The following SMAD2 variants were observed in gnomAD, a reference collection of about 807,000 sequenced individuals.
SMAD2 encodes SMAD family member 2.
A neutral mutation model predicts 64.4 loss-of-function variants in SMAD2; 8 were observed. The observed-to-expected ratio is 0.12, with a 90% CI of 0.07 to 0.22. SMAD2 has a LOEUF of 0.22. Among genes scored for constraint, SMAD2 ranks in the 10% least tolerant of loss-of-function variants. The probability of loss-of-function intolerance (pLI) is 1.00; values close to 1 mark genes in which losing one functional copy is unlikely to be tolerated. For synonymous variants in SMAD2, 203 were observed against 195.8 expected (o/e 1.04, Z -0.31); for missense variants, 289 against 561.2 (o/e 0.51, Z 4.90).
rs543118430 is a variant in SMAD2, at chr18:47,910,708, T to C, written c.-53-13899A>G. On this transcript the variant is annotated intron_variant, in intron 1 of 10. Coordinates refer to ENST00000262160, the MANE Select transcript of SMAD2 (RefSeq NM_005901.6). ...TCCACTTAGTGAATAGTATATGTAT[T>C]TTCTCTTCCTTATGATTTTCTTAGT... 2.6e-5 allele frequency among the ~76,000 whole-genome samples: 4 copies of C among 152,324 alleles called. No homozygotes were observed. In the East Asian group the frequency reaches 7.7e-4, roughly 29 times the overall value.
rs1912262697 is a variant in SMAD2, at chr18:47,813,391, C to T, written c.*28436G>A. 1 of 147,868 alleles carries T rather than the reference C, an allele frequency of 6.8e-6. No homozygotes were observed. The highest frequency in any genetic ancestry group is 2.5e-5 in the African/African-American group (1 of 40,068). The allele number at this position is 147,868 out of a possible 1,614,324, so 9.2% of individuals were successfully genotyped here. On this transcript the variant is annotated 3_prime_UTR_variant, in exon 11 of 11. Transcript: ENST00000262160. Reference sequence around the variant, plus strand: ...TAGCTGGGACTACAGGTGCCTGCCACCATGCCCAGCTAATTTTTTTTTTTT... The same window carrying T: ...TAGCTGGGACTACAGGTGCCTGCCATCATGCCCAGCTAATTTTTTTTTTTT...
intron 2 of SMAD2, 64 bp downstream of exon 2, chr18:47,896,457 T>G: frequency 6.5e-7 from 1 of 1,537,164 alleles, no homozygotes. Flanking sequence ...GAACACAAAT[T>G]CAGTAACTTT....
Position 47,829,676 on chromosome 18 carries a change from A to G in SMAD2, c.*12151T>C, listed in dbSNP as rs1020331683. On this transcript the variant is annotated 3_prime_UTR_variant, in exon 11 of 11. Coordinates refer to ENST00000262160, the MANE Select transcript of SMAD2 (RefSeq NM_005901.6). Reference sequence around the variant, plus strand: ...CGGGAAGCAGTGCATAGGCAGTATGAAGTAGACACTTTGGCAAATAAAAAC... The same window carrying G: ...CGGGAAGCAGTGCATAGGCAGTATGGAGTAGACACTTTGGCAAATAAAAAC... The G allele has an allele frequency of 6.6e-6, 1 of 152,244 alleles. No homozygotes were observed. Among genetic ancestry groups the G allele is most frequent in the Non-Finnish European group, 1.5e-5 (1 of 68,050 alleles). 9.4% of individuals were successfully genotyped at this position (152,244 alleles called of 1,614,324 possible). A position where few individuals can be genotyped will look rare whatever the true frequency, so the allele number is the denominator to read the frequency against.
intron 2 of SMAD2, among the ~76,000 whole-genome samples, chr18:47,892,125 T>C (rs2033223836): frequency 6.6e-6 from 1 of 152,154 alleles, no homozygotes. Flanking sequence ...TTAAATATGA[T>C]TATGTGGTAT....
Position 47,837,426 on chromosome 18 carries a change from G to C in SMAD2, c.*4401C>G, listed in dbSNP as rs1913515436. 1 of 198,918 alleles carries C rather than the reference G, an allele frequency of 5.0e-6. No individual in the cohort carries two copies. Among genetic ancestry groups the C allele is most frequent in the East Asian group, 7.8e-5 (1 of 12,748 alleles). The allele number at this position is 198,918 out of a possible 1,614,324, so 12.3% of individuals were successfully genotyped here. On this transcript the variant is annotated 3_prime_UTR_variant, in exon 11 of 11. Coordinates refer to ENST00000262160, the MANE Select transcript of SMAD2 (RefSeq NM_005901.6). ...AAATACAAAAAATTAGCCGAGTGTG[G>C]TGGTGGGCGCCTGTAGTCCCAGCTA...
At position 47,830,036 on chromosome 18, in the gene SMAD2, T is replaced by C. The variant is rs1326963912; in HGVS notation, c.*11791A>G. Reference sequence around the variant, plus strand: ...TCCACAGTGGTTTGCAGGCCACTAATTCTTTTACAGATGAAAGCATTCAAT... The same window carrying C: ...TCCACAGTGGTTTGCAGGCCACTAACTCTTTTACAGATGAAAGCATTCAAT... On this transcript the variant is annotated 3_prime_UTR_variant, in exon 11 of 11. Transcript: ENST00000262160. The C allele has an allele frequency of 1.3e-5, 2 of 152,244 alleles. No individual in the cohort carries two copies. The highest frequency in any genetic ancestry group is 2.9e-5 in the Non-Finnish European group (2 of 68,036). 9.4% of individuals were successfully genotyped at this position (152,244 alleles called of 1,614,324 possible). A position where few individuals can be genotyped will look rare whatever the true frequency, so the allele number is the denominator to read the frequency against.
intron 1 of SMAD2, among the ~76,000 whole-genome samples, chr18:47,921,582 G>C (rs2034562303): frequency 6.6e-6 from 1 of 152,206 alleles, no homozygotes; most frequent in African/African-American, 2.4e-5. Context: ...TCCATAGAGA[G>C]GTCTGAGGCT....
At chr18:47,850,871 GTATAATA>G (rs1228219219) in intron 7 of SMAD2, among the ~76,000 whole-genome samples, 1 of 72,296 alleles carries the variant, frequency 1.4e-5, no homozygotes, top group Non-Finnish European at 2.6e-5. Context: ...TATATATTAT[GTATAATA>G]TATATAAATC....
intron 2 of SMAD2, among the ~76,000 whole-genome samples, chr18:47,893,051 TG>T (rs1178355946): frequency 3.9e-5 from 6 of 152,228 alleles, no homozygotes; most frequent in Admixed American, 3.3e-4. Flanking sequence ...AAATATCAAT[TG>T]CCATTCTGAT....
intron 2 of SMAD2, among the ~76,000 whole-genome samples, chr18:47,888,705 G>T (rs923981908): frequency 4.6e-5 from 7 of 152,168 alleles, no homozygotes; most frequent in African/African-American, 1.7e-4. Context: ...GGTAGGAAAG[G>T]TCAAATACTC....
chr18:47,878,969 T>C (rs2032426328), intron 2 of SMAD2, among the ~76,000 whole-genome samples: 1 of 152,176 alleles, frequency 6.6e-6, no homozygotes, highest in Admixed American at 6.5e-5. Flanking sequence ...ACCCCGTCTC[T>C]ATCAAAAATA....
At chr18:47,857,702 A>G (rs1294778786) in intron 6 of SMAD2, among the ~76,000 whole-genome samples, 1 of 152,242 alleles carries the variant, frequency 6.6e-6, no homozygotes, top group Non-Finnish European at 1.5e-5. Flanking sequence ...GTCAGGACAC[A>G]GACAAAGGAC....
rs1446083587 is a variant in SMAD2 at position 47,896,532 on chromosome 18, A to C, written c.225T>G (p.Val75=). Residue 75 remains valine, a synonymous_variant, in exon 2 of 11, where the codon GTT becomes GTG. Transcript: ENST00000262160. The part of the protein sequence containing the change: ...ITTQNCNTKC[V]TIPSTCSEIW... ...CTAACAAAACTTACCTTGGTATGGT[A>C]ACACATTTAGTATTACAGTTTTGAG... 1.9e-6 allele frequency: 3 copies of C among 1,614,196 alleles called. No individual in the cohort carries two copies. In the African/African-American group the frequency reaches 4.0e-5, roughly 22 times the overall value.
In SMAD2 at chr18:47,831,901, A is replaced by T. The variant is rs1168528293; in HGVS notation, c.*9926T>A. The T allele has an allele frequency of 8.1e-6, 1 of 123,474 alleles. No individual in the cohort carries two copies. Among genetic ancestry groups the T allele is most frequent in the African/African-American group, 3.1e-5 (1 of 32,754 alleles). 7.6% of individuals were successfully genotyped at this position (123,474 alleles called of 1,614,324 possible). ...CTATTCCTTTATTTGTAAACTTATA[A>T]TTTTTAGGTTGGGCTTACTATTTTG... On this transcript the variant is annotated 3_prime_UTR_variant, in exon 11 of 11. Transcript: ENST00000262160.
intron 2 of SMAD2, among the ~76,000 whole-genome samples, chr18:47,888,185 AG>A (rs1281119460): frequency 6.6e-6 from 1 of 151,822 alleles, no homozygotes; most frequent in Non-Finnish European, 1.5e-5. Context: ...TTCTTACTAG[AG>A]GGGAAAAAAG....
At chr18:47,879,548 G>C (rs1187308951) in intron 2 of SMAD2, among the ~76,000 whole-genome samples, 1 of 136,014 alleles carries the variant, frequency 7.4e-6, no homozygotes, top group Non-Finnish European at 1.6e-5. Flanking sequence ...TCCATTACTT[G>C]AACAAGCATG....
intron 2 of SMAD2, among the ~76,000 whole-genome samples, chr18:47,885,361 T>G (rs1598835110): frequency 6.6e-6 from 1 of 152,046 alleles, no homozygotes; most frequent in African/African-American, 2.4e-5. Context: ...AGACACAGGA[T>G]TTCACTATGT....
rs547723146 is a variant in SMAD2, at chr18:47,907,768, A to C, written c.-53-10959T>G. 5.9e-5 allele frequency among the ~76,000 whole-genome samples: 9 copies of C among 152,284 alleles called. No individual in the cohort carries two copies. In the Middle Eastern group the frequency reaches 0.01, roughly 173 times the overall value. Reference sequence around the variant, plus strand: ...GGAGTTCAAGACCAGTATGAGCAACATGGCGAAACCCTGTCTCTACAAAAA... The same window carrying C: ...GGAGTTCAAGACCAGTATGAGCAACCTGGCGAAACCCTGTCTCTACAAAAA... On this transcript the variant is annotated intron_variant, in intron 1 of 10. Coordinates refer to ENST00000262160, the MANE Select transcript of SMAD2 (RefSeq NM_005901.6).
chr18:47,855,780 C>G (rs959721555), intron 6 of SMAD2, among the ~76,000 whole-genome samples: 1 of 152,080 alleles, frequency 6.6e-6, no homozygotes, highest in Non-Finnish European at 1.5e-5. Context: ...TACCAACACA[C>G]CCGGCTAATT....
Sources: allele counts gnomAD v4.1 joint callset (sites outside exome capture counted in the v4.1 genomes callset), GRCh38; gene constraint gnomAD v4.1.1; transcripts MANE v1.5; gene names NCBI Gene and HGNC (gene_info 2026-07-23, HGNC 2026-07-21).